The following KIAA0825 variants were observed in gnomAD, a reference collection of about 807,000 sequenced individuals.
KIAA0825 encodes uncharacterized protein KIAA0825.
Under a neutral mutation model 147.6 loss-of-function variants are expected in KIAA0825, and 119 were observed. That is an observed-to-expected ratio of 0.81 (90% CI 0.69 to 0.94). KIAA0825 has a LOEUF of 0.94. KIAA0825 is among the 40% of genes least tolerant of loss of function. KIAA0825 has a pLI of 0.00. For missense variants in KIAA0825, 1,381 were observed against 1,472.7 expected, an observed-to-expected ratio of 0.94 and a Z score of 1.02; for synonymous variants, 470 against 518.1, an observed-to-expected ratio of 0.91 and a Z score of 1.26.
chr5:94,491,614 A>G (rs980254253), intron 5 of KIAA0825, among the ~76,000 whole-genome samples: 3 of 152,230 alleles, frequency 2.0e-5, no homozygotes, highest in Non-Finnish European at 4.4e-5. Flanking sequence ...TGTTTTTGTC[A>G]TGAACGCTAA....
chr5:94,328,960 T>C (rs915616584), intron 20 of KIAA0825, among the ~76,000 whole-genome samples: 1 of 152,130 alleles, frequency 6.6e-6, no homozygotes, highest in African/African-American at 2.4e-5. Context: ...TAAATTTTAT[T>C]GTTTTGTTAG....
intron 2 of KIAA0825, among the ~76,000 whole-genome samples, chr5:94,540,763 A>AATT (rs1333258105): frequency 2.0e-5 from 3 of 152,236 alleles, no homozygotes; most frequent in African/African-American, 7.2e-5. Context: ...ATTGGGTCTA[A>AATT]ATTATGTGGG....
intron 20 of KIAA0825, among the ~76,000 whole-genome samples, chr5:94,176,863 A>G (rs1040878875): frequency 1.3e-5 from 2 of 152,130 alleles, no homozygotes; most frequent in African/African-American, 4.8e-5. Flanking sequence ...CTGCATCTCT[A>G]ATTTCATTTT....
chr5:94,540,675 G>A (rs183477187), intron 2 of KIAA0825, among the ~76,000 whole-genome samples: 8 of 152,278 alleles, frequency 5.3e-5, no homozygotes, highest in Admixed American at 5.2e-4. Context: ...TTTAGTTCAT[G>A]TGACTGAAGT....
chr5:94,298,587 G>A (rs1778247464), intron 20 of KIAA0825, among the ~76,000 whole-genome samples: 1 of 152,130 alleles, frequency 6.6e-6, no homozygotes, highest in South Asian at 2.1e-4. Flanking sequence ...TTATTTTTGA[G>A]GTTCCATTTC....
chr5:94,374,954 C>A (rs1747313274), intron 20 of KIAA0825, among the ~76,000 whole-genome samples: 1 of 151,920 alleles, frequency 6.6e-6, no homozygotes, highest in Non-Finnish European at 1.5e-5. Context: ...ACCTTTCTAC[C>A]TTAAGAATAT....
intron 20 of KIAA0825, among the ~76,000 whole-genome samples, chr5:94,341,156 A>T (rs1351090352): frequency 6.6e-6 from 1 of 152,242 alleles, no homozygotes; most frequent in Non-Finnish European, 1.5e-5. Flanking sequence ...TTGTTAGATA[A>T]ATGATGTTTA....
intron 5 of KIAA0825, among the ~76,000 whole-genome samples, chr5:94,488,166 G>A (rs938227518): frequency 5.3e-5 from 8 of 152,180 alleles, no homozygotes; most frequent in African/African-American, 1.9e-4. Flanking sequence ...AGAGTGCTGC[G>A]ATTACAGGCG....
intron 20 of KIAA0825, among the ~76,000 whole-genome samples, chr5:94,330,364 C>T (rs6892673): frequency 0.03 from 4,628 of 152,066 alleles, 215 homozygotes; most frequent in African/African-American, 0.11. Context: ...TGAAATCATA[C>T]AAAATATGTA....
At chr5:94,300,008 C>T (rs751805363) in intron 20 of KIAA0825, among the ~76,000 whole-genome samples, 92 of 151,836 alleles carry the variant, frequency 6.1e-4, no homozygotes, top group African/African-American at 1.9e-3. Flanking sequence ...TCCCTCATGA[C>T]GTCTTATAAT....
At chr5:94,525,942 A>G (rs1393619699) in intron 3 of KIAA0825, among the ~76,000 whole-genome samples, 1 of 151,946 alleles carries the variant, frequency 6.6e-6, no homozygotes, top group Admixed American at 6.6e-5. Flanking sequence ...AGACAGATAA[A>G]CTTTATTTTA....
intron 20 of KIAA0825, among the ~76,000 whole-genome samples, chr5:94,215,651 T>G (rs1219281402): frequency 1.3e-5 from 2 of 152,144 alleles, no homozygotes; most frequent in Non-Finnish European, 2.9e-5. Flanking sequence ...CTTCCCCTTT[T>G]CCCTTTTTAA....
At chr5:94,574,388 T>TA (rs1450761355) in intron 2 of KIAA0825, among the ~76,000 whole-genome samples, 1 of 151,378 alleles carries the variant, frequency 6.6e-6, no homozygotes, top group Non-Finnish European at 1.5e-5. Flanking sequence ...ACTAAAAATA[T>TA]AAAAAATTAG....
intron 14 of KIAA0825, among the ~76,000 whole-genome samples, chr5:94,419,000 C>A (rs371092269): frequency 6.6e-6 from 1 of 152,036 alleles, no homozygotes. Context: ...CCAACAGCCT[C>A]GCAAGTAGGT....
intron 20 of KIAA0825, among the ~76,000 whole-genome samples, chr5:94,224,392 T>G (rs149346732): frequency 3.0e-4 from 46 of 152,088 alleles, no homozygotes; most frequent in African/African-American, 1.1e-3. Context: ...CATTGTCCCT[T>G]GCCCATCAAC....
At chr5:94,465,212 A>T (rs1760335046) in intron 10 of KIAA0825, among the ~76,000 whole-genome samples, 153 bp from the exon 11 acceptor site, 2 of 152,272 alleles carry the variant, frequency 1.3e-5, no homozygotes, top group Admixed American at 6.5e-5. Context: ...GATGTAAAAC[A>T]TCCTTATTGA....
intron 13 of KIAA0825, among the ~76,000 whole-genome samples, chr5:94,449,837 G>A (rs1026160981): frequency 1.3e-5 from 2 of 152,180 alleles, no homozygotes; most frequent in Non-Finnish European, 2.9e-5. Context: ...CCAGCACTTT[G>A]GGAGGCCAAG....
intron 13 of KIAA0825, among the ~76,000 whole-genome samples, chr5:94,450,230 C>A (rs1251500614): frequency 6.6e-6 from 1 of 150,920 alleles, no homozygotes; most frequent in East Asian, 1.9e-4. Context: ...TATATCCTTT[C>A]AATATTTATT....
chr5:94,425,999 C>T (rs929623955), intron 14 of KIAA0825, among the ~76,000 whole-genome samples: 3 of 150,498 alleles, frequency 2.0e-5, no homozygotes, highest in African/African-American at 4.9e-5. Context: ...AGGCTCATGC[C>T]ACTATGCCTG....
Sources: allele counts gnomAD v4.1 joint callset (sites outside exome capture counted in the v4.1 genomes callset), GRCh38; gene constraint gnomAD v4.1.1; transcripts MANE v1.5; gene names NCBI Gene and HGNC (gene_info 2026-07-23, HGNC 2026-07-21).